CEP128: variants seen among roughly 807,000 people sequenced by gnomAD.
The protein encoded by CEP128 is centrosomal protein 128, also known as centrosomal protein 128kDa.
Under a neutral mutation model 156.7 loss-of-function variants are expected in CEP128, and 132 were observed. The observed-to-expected ratio is 0.84, with a 90% confidence interval of 0.73 to 0.97. The LOEUF is 0.97. CEP128 is among the 50% of genes least tolerant of loss of function. The pLI is 0.00. For synonymous variants in CEP128, 469 were observed against 448.9 expected, an observed-to-expected ratio of 1.04 and a Z score of -0.57; for missense variants, 1,252 against 1,281.9, an observed-to-expected ratio of 0.98 and a Z score of 0.36.
chr14:80,608,039 G>C (rs1892854894), intron 19 of CEP128, among the ~76,000 whole-genome samples: 1 of 152,068 alleles, frequency 6.6e-6, no homozygotes, highest in Non-Finnish European at 1.5e-5. Context: ...GAGTTCTTCT[G>C]CCTAGAACAC....
chr14:80,889,135 C>A (rs985646696), intron 8 of CEP128, among the ~76,000 whole-genome samples: 1 of 152,146 alleles, frequency 6.6e-6, no homozygotes, highest in African/African-American at 2.4e-5. Context: ...AGAGAGGACA[C>A]AAACAAATGG....
chr14:80,956,867 G>T (rs185678195), intron 2 of CEP128, among the ~76,000 whole-genome samples: 96 of 152,240 alleles, frequency 6.3e-4, no homozygotes, highest in African/African-American at 2.2e-3. Context: ...GAATTAATTA[G>T]TTCAATAACC....
At chr14:80,602,001 G>C (rs8017133) in intron 19 of CEP128, among the ~76,000 whole-genome samples, 1 of 152,032 alleles carries the variant, frequency 6.6e-6, no homozygotes, top group Non-Finnish European at 1.5e-5. Flanking sequence ...GAAGACAAAA[G>C]TAGGTTAAAA....
chr14:80,761,297 T>C (rs1899954581), intron 17 of CEP128, 140 bp downstream of exon 17: 1 of 588,598 alleles, frequency 1.7e-6, no homozygotes, highest in Non-Finnish European at 2.8e-6. Context: ...CAGCGCCTTA[T>C]TCTAAAAAAT....
At chr14:80,582,216 G>C (rs1189642170) in intron 19 of CEP128, among the ~76,000 whole-genome samples, 10 of 152,176 alleles carry the variant, frequency 6.6e-5, no homozygotes, top group Non-Finnish European at 2.9e-5. Context: ...ACTAAGACCA[G>C]ACAAACTACC....
At chr14:80,488,649 A>G (rs1454140475), downstream of CEP128, among the ~76,000 whole-genome samples, 1 of 152,090 alleles carries the variant, frequency 6.6e-6, no homozygotes, top group Admixed American at 6.5e-5. Context: ...TACCCAAAGG[A>G]TTATAAACCA....
chr14:80,561,852 A>G (rs1890687955), intron 20 of CEP128, among the ~76,000 whole-genome samples: 1 of 150,660 alleles, frequency 6.6e-6, no homozygotes, highest in Non-Finnish European at 1.5e-5. Flanking sequence ...GTGACTATTG[A>G]CTCAAATGGT....
intron 19 of CEP128, among the ~76,000 whole-genome samples, chr14:80,599,648 C>T (rs1382104068): frequency 6.6e-6 from 1 of 151,574 alleles, no homozygotes; most frequent in African/African-American, 2.4e-5. Flanking sequence ...AGACACTGTA[C>T]TACTTTAAAA....
chr14:80,717,978 C>A (rs949888143), intron 19 of CEP128, among the ~76,000 whole-genome samples: 2 of 151,666 alleles, frequency 1.3e-5, no homozygotes, highest in African/African-American at 4.8e-5. Context: ...TCACACTCAG[C>A]TAACTTGTGT....
chr14:80,894,950 T>C (rs1889277709), intron 8 of CEP128, among the ~76,000 whole-genome samples: 2 of 151,820 alleles, frequency 1.3e-5, no homozygotes, highest in Admixed American at 1.3e-4. Flanking sequence ...TTGAATAAAA[T>C]ATATTAAGAG....
chr14:80,816,896 C>T (rs1360990443), intron 13 of CEP128, among the ~76,000 whole-genome samples: 2 of 151,748 alleles, frequency 1.3e-5, no homozygotes, highest in African/African-American at 4.8e-5. Flanking sequence ...AAACCCTAAT[C>T]CTGCTAAGAG....
chr14:80,748,743 C>T (rs774996554), intron 18 of CEP128, among the ~76,000 whole-genome samples: 1 of 152,120 alleles, frequency 6.6e-6, no homozygotes, highest in South Asian at 2.1e-4. Flanking sequence ...AAGAGATACA[C>T]CTTCTCCTTA....
At chr14:80,541,262 A>T (rs145105215) in intron 21 of CEP128, among the ~76,000 whole-genome samples, 5 of 152,196 alleles carry the variant, frequency 3.3e-5, no homozygotes, top group African/African-American at 1.2e-4. Context: ...GCAGGTTAGG[A>T]TCTCCTTTTT....
At chr14:80,489,907 CAAAAAA>C (rs34425331), downstream of CEP128, among the ~76,000 whole-genome samples, 4 of 131,656 alleles carry the variant, frequency 3.0e-5, no homozygotes, top group Non-Finnish European at 4.7e-5. Context: ...GTTTTATCAC[CAAAAAA>C]AAAAAAAAAA....
At chr14:80,844,368 C>T (rs1455648721) in intron 9 of CEP128, among the ~76,000 whole-genome samples, 13 of 151,800 alleles carry the variant, frequency 8.6e-5, no homozygotes, top group East Asian at 1.9e-4. Context: ...TAAAACAAAC[C>T]GCACACACCA....
chr14:80,646,363 T>C (rs1894632576), intron 19 of CEP128, among the ~76,000 whole-genome samples: 1 of 151,954 alleles, frequency 6.6e-6, no homozygotes, highest in Non-Finnish European at 1.5e-5. Context: ...TTTTTTTTTT[T>C]TGAAAAAGCA....
intron 6 of CEP128, among the ~76,000 whole-genome samples, chr14:80,900,982 G>A (rs1171305551): frequency 6.6e-6 from 1 of 151,874 alleles, no homozygotes; most frequent in African/African-American, 2.4e-5. Context: ...CGAGGCGGGC[G>A]GATCACGAGG....
At position 80,656,271 on chromosome 14, in the gene CEP128, GTT is replaced by G. The variant is rs1566837586; in HGVS notation, c.2807-75850_2807-75849del. ...CTCAAGTATTTCTCAATAAACCTAAGTTTTTATTTATATATATATTTATATAT... is the reference window on the plus strand; with the variant it reads ...CTCAAGTATTTCTCAATAAACCTAAGTTTATTTATATATATATTTATATAT... On this transcript the variant is annotated intron_variant, in intron 19 of 24. Transcript: ENST00000555265. 7.8e-4 allele frequency among the ~76,000 whole-genome samples: 58 copies of G among 74,414 alleles called. 3 individuals are homozygous for G. Among genetic ancestry groups the G allele is most frequent in the African/African-American group, 2.8e-3 (50 of 17,930 alleles). The allele number at this position is 74,414 out of a possible 152,430, so 48.8% of individuals were successfully genotyped here.
At chr14:80,791,297 G>A (rs1901692912) in intron 14 of CEP128, among the ~76,000 whole-genome samples, 1 of 152,132 alleles carries the variant, frequency 6.6e-6, no homozygotes, top group South Asian at 2.1e-4. Flanking sequence ...CCTAACTGTG[G>A]CAATCACTTT....
Sources: allele counts gnomAD v4.1 joint callset (sites outside exome capture counted in the v4.1 genomes callset), GRCh38; gene constraint gnomAD v4.1.1; transcripts MANE v1.5; gene names NCBI Gene and HGNC (gene_info 2026-07-23, HGNC 2026-07-21).